The following CD3G variants were observed in gnomAD, a reference collection of about 807,000 sequenced individuals.
The protein encoded by CD3G is T-cell surface glycoprotein CD3 gamma chain.
CD3G carries 24 observed loss-of-function variants against 28.3 expected under a neutral mutation model. The ratio of observed to expected loss-of-function variants is 0.85; its 90% CI spans 0.61 to 1.19. The LOEUF is 1.19. Among genes scored for constraint, CD3G ranks in the 50% most tolerant of loss-of-function variants. The pLI is 0.00. For synonymous variants in CD3G, 71 were observed against 75.9 expected (o/e 0.93, Z 0.34); for missense variants, 211 against 210.0 (o/e 1.00, Z -0.03).
intron 1 of CD3G, among the ~76,000 whole-genome samples, chr11:118,346,662 G>A (rs1020714867): frequency 3.3e-5 from 5 of 151,592 alleles, no homozygotes; most frequent in African/African-American, 9.7e-5. Context: ...CAAAAACTAC[G>A]AAAATTAGCC....
At position 118,354,852 on chromosome 11, in the gene CD3G, A is replaced by G. The variant is rs961848826; in HGVS notation, c.*1752A>G. 1.3e-5 allele frequency: 2 copies of G among 152,184 alleles called. No individual in the cohort carries two copies. Among genetic ancestry groups the G allele is most frequent in the Non-Finnish European group, 2.9e-5 (2 of 68,032 alleles). The allele number at this position is 152,184 out of a possible 1,614,324, so 9.4% of individuals were successfully genotyped here. On this transcript the variant is annotated 3_prime_UTR_variant, in exon 7 of 7. Transcript: ENST00000532917. ...CTATTGGGTTGCATATGTTTTTGATATAAGTCCTTTATCAGATATATGATT... is the reference window on the plus strand; with the variant it reads ...CTATTGGGTTGCATATGTTTTTGATGTAAGTCCTTTATCAGATATATGATT...
chr11:118,344,864 G>GTTGGCCAA lies in CD3G; in HGVS notation c.55+391_55+398dup, dbSNP rs1311018242. On this transcript the variant is annotated intron_variant, in intron 1 of 6. Coordinates refer to ENST00000532917, the MANE Select transcript of CD3G (RefSeq NM_000073.3). ...AAATGTCCATTCACTCAGTTGGGCA[G>GTTGGCCAA]TTGGCCAATTGGTCAACAAAGATGG... Among the ~76,000 whole-genome samples, 4 of 152,370 alleles carry GTTGGCCAA rather than the reference G, an allele frequency of 2.6e-5. No individual in the cohort carries two copies. In the South Asian group the frequency reaches 8.3e-4, roughly 32 times the overall value.
intron 1 of CD3G, among the ~76,000 whole-genome samples, chr11:118,345,241 T>C (rs1308369115): frequency 6.6e-6 from 1 of 151,608 alleles, no homozygotes; most frequent in Non-Finnish European, 1.5e-5. Flanking sequence ...AAAAGGAGAA[T>C]CAAAGAGCTG....
rs1948393780 is a variant in CD3G at position 118,350,217 on chromosome 11, A to G, written c.307+247A>G. The G allele has an allele frequency of 3.8e-5, 22 of 579,120 alleles. No homozygotes were observed. The South Asian group carries it at 4.4e-4, about 12-fold the overall frequency. The allele number at this position is 579,120 out of a possible 1,614,324, so 35.9% of individuals were successfully genotyped here. On this transcript the variant is annotated intron_variant, in intron 3 of 6. Coordinates refer to ENST00000532917, the MANE Select transcript of CD3G (RefSeq NM_000073.3). Reference sequence around the variant, plus strand: ...GCTCCATGGATTCAAGCAATTCAGCACTGAGTTGAATGAAGGGGTTGGGGA... The same window carrying G: ...GCTCCATGGATTCAAGCAATTCAGCGCTGAGTTGAATGAAGGGGTTGGGGA...
rs540831897 is a variant in CD3G at position 118,353,969 on chromosome 11, C to T, written c.*869C>T. ...ATACATCTTGTGAGATTATTGCATACCATTATATGAAGATACCATTATATC... is the reference window on the plus strand; with the variant it reads ...ATACATCTTGTGAGATTATTGCATATCATTATATGAAGATACCATTATATC... On this transcript the variant is annotated 3_prime_UTR_variant, in exon 7 of 7. Transcript: ENST00000532917. 2.0e-5 allele frequency: 3 copies of T among 152,212 alleles called. No individual in the cohort carries two copies. Among genetic ancestry groups the T allele is most frequent in the Admixed American group, 1.3e-4 (2 of 15,296 alleles). The allele number at this position is 152,212 out of a possible 1,614,324, so 9.4% of individuals were successfully genotyped here. A position where few individuals can be genotyped will look rare whatever the true frequency, so the allele number is the denominator to read the frequency against.
rs1166028349 is a variant in CD3G at position 118,349,038 on chromosome 11, C to T, written c.67C>T (p.Gln23Ter). 6.2e-7 allele frequency: 1 copy of T among 1,614,152 alleles called. No homozygotes were observed. The highest frequency in any genetic ancestry group is 8.5e-7 in the Non-Finnish European group (1 of 1,180,012). ...TTCTGTCTTTACAGGTACTTTGGCC[C>T]AGTCAATCAAAGGTAGGAGAAATGG... is the stretch of plus-strand genomic sequence containing the variant. ...AIILLQGTLA[Q>*]SIKGNHLVKV... Residue 23 changes from glutamine to a stop codon, truncating the protein, a stop_gained, in exon 2 of 7, where the codon CAG (glutamine) becomes TAG (stop). Transcript: ENST00000532917. LOFTEE classifies it high-confidence loss of function.
At chr11:118,351,847 T>C (rs1948412572) in intron 5 of CD3G, among the ~76,000 whole-genome samples, 176 bp downstream of exon 5, 1 of 151,492 alleles carries the variant, frequency 6.6e-6, no homozygotes, top group Admixed American at 6.6e-5. Flanking sequence ...TGACAGAGAC[T>C]GAGGTCAGGA....
intron 6 of CD3G, 135 bp downstream of exon 6, chr11:118,352,622 G>A (rs1296904110): frequency 4.2e-6 from 3 of 720,494 alleles, no homozygotes; most frequent in South Asian, 2.9e-5. Flanking sequence ...ACGTGGTTTG[G>A]GGTACTCTTT....
chr11:118,347,671 C>T (rs927532469), intron 1 of CD3G, among the ~76,000 whole-genome samples: 1 of 152,156 alleles, frequency 6.6e-6, no homozygotes, highest in Non-Finnish European at 1.5e-5. Flanking sequence ...AACACCTAGG[C>T]TGGAGTGCAG....
At chr11:118,349,665 A>G (rs1948387466) in intron 2 of CD3G, 78 bp from the exon 3 acceptor site, 16 of 1,082,530 alleles carry the variant, frequency 1.5e-5, no homozygotes, top group Non-Finnish European at 1.6e-5. Context: ...CACTACTCTA[A>G]TGATCTCCTG....
chr11:118,349,596 G>C, intron 2 of CD3G, 147 bp from the exon 3 acceptor site: 1 of 739,198 alleles, frequency 1.4e-6, no homozygotes, highest in Non-Finnish European at 2.4e-6. Flanking sequence ...CTACTAAATA[G>C]CACCTGAAAT....
chr11:118,350,778 C>T, intron 4 of CD3G, 95 bp downstream of exon 4: 2 of 1,592,954 alleles, frequency 1.3e-6, no homozygotes, highest in African/African-American at 1.3e-5. Context: ...TGAGTTGGTG[C>T]TTCTTGCTAG....
chr11:118,352,506 A>G lies in CD3G; in HGVS notation c.*18+19A>G, dbSNP rs201981637. ...AGAGTAGGTGGGTTCTTCAATGCCAATTCTAATAAAGGACCCTTGCATCAA... is the reference window on the plus strand; with the variant it reads ...AGAGTAGGTGGGTTCTTCAATGCCAGTTCTAATAAAGGACCCTTGCATCAA... On this transcript the variant is annotated intron_variant, in intron 6 of 6. Coordinates refer to ENST00000532917, the MANE Select transcript of CD3G (RefSeq NM_000073.3). 24 of 1,521,522 alleles carry G rather than the reference A, an allele frequency of 1.6e-5. No homozygotes were observed. Among genetic ancestry groups the G allele is most frequent in the Non-Finnish European group, 2.1e-5 (23 of 1,096,958 alleles). 94.3% of individuals were successfully genotyped at this position (1,521,522 alleles called of 1,614,324 possible).
At chr11:118,348,487 C>T (rs902507088) in intron 1 of CD3G, among the ~76,000 whole-genome samples, 8 of 152,168 alleles carry the variant, frequency 5.3e-5, no homozygotes, top group African/African-American at 1.9e-4. Context: ...TAGAACACAT[C>T]GCCCCCAGCA....
At chr11:118,352,664 T>G (rs1031500895) in intron 6 of CD3G, among the ~76,000 whole-genome samples, 177 bp downstream of exon 6, 9 of 152,230 alleles carry the variant, frequency 5.9e-5, no homozygotes, top group African/African-American at 2.2e-4. Flanking sequence ...CTGATTGTCT[T>G]GGCCTAGGTA....
Position 118,353,494 on chromosome 11 carries a change from G to GT in CD3G, c.*396dup, listed in dbSNP as rs1565523341. ...CCATCCCCTGCTACCCAGTGACCCT[G>GT]TTGCCCTCTTCAGAGACAAATTAGT... On this transcript the variant is annotated 3_prime_UTR_variant, in exon 7 of 7. Coordinates refer to ENST00000532917, the MANE Select transcript of CD3G (RefSeq NM_000073.3). The GT allele has an allele frequency of 7.4e-6, 1 of 135,578 alleles. No individual in the cohort carries two copies. The highest frequency in any genetic ancestry group is 2.8e-5 in the African/African-American group (1 of 36,258). The allele number at this position is 135,578 out of a possible 1,614,324, so 8.4% of individuals were successfully genotyped here.
In CD3G at chr11:118,354,337, C is replaced by G. The variant is rs1482700316; in HGVS notation, c.*1237C>G. 1 of 126,832 alleles carries G rather than the reference C, an allele frequency of 7.9e-6. No homozygotes were observed. The highest frequency in any genetic ancestry group is 1.6e-5 in the Non-Finnish European group (1 of 63,254). 7.9% of individuals were successfully genotyped at this position (126,832 alleles called of 1,614,324 possible). A position where few individuals can be genotyped will look rare whatever the true frequency, so the allele number is the denominator to read the frequency against. Reference sequence around the variant, plus strand: ...TTTTTTTTTGAAGTGGAATCTTGCTCTGTGGCCCAGGCTGGAGTGCAGTGG... The same window carrying G: ...TTTTTTTTTGAAGTGGAATCTTGCTGTGTGGCCCAGGCTGGAGTGCAGTGG... On this transcript the variant is annotated 3_prime_UTR_variant, in exon 7 of 7. Transcript: ENST00000532917.
intron 1 of CD3G, among the ~76,000 whole-genome samples, chr11:118,345,177 G>C (rs1948344147): frequency 6.6e-6 from 1 of 152,014 alleles, no homozygotes; most frequent in Non-Finnish European, 1.5e-5. Context: ...GGAACAGTGA[G>C]GGCACCAATT....
intron 1 of CD3G, 122 bp from the exon 2 acceptor site, chr11:118,348,905 A>G (rs1397337222): frequency 1.8e-6 from 2 of 1,088,330 alleles, no homozygotes. Flanking sequence ...AAGTATAGAT[A>G]CTACCATTTT....
Sources: gnomAD v4.1 joint callset for allele counts (sites outside exome capture counted in the v4.1 genomes callset) on GRCh38, gnomAD v4.1.1 for gene constraint, MANE v1.5 for transcripts, NCBI Gene and HGNC (gene_info 2026-07-23, HGNC 2026-07-21) for gene names.